The following GALNT3 variants were observed in gnomAD, a reference collection of about 807,000 sequenced individuals.
The protein encoded by GALNT3 is GalNAc transferase 3.
GALNT3 carries 51 observed loss-of-function variants against 69.8 expected under a neutral mutation model. The observed-to-expected ratio is 0.73, with a 90% CI of 0.58 to 0.92. The LOEUF (loss-of-function observed/expected upper bound fraction) is 0.92, where lower values mean the gene tolerates loss of function less well. GALNT3 is among the 40% of genes least tolerant of loss of function. The probability of loss-of-function intolerance (pLI) is 0.00; values close to 1 mark genes in which losing one functional copy is unlikely to be tolerated. For synonymous variants in GALNT3, 265 were observed against 248.5 expected, an observed-to-expected ratio of 1.07 and a Z score of -0.63; for missense variants, 711 against 760.0, an observed-to-expected ratio of 0.94 and a Z score of 0.76.
chr2:165,793,066 TG>T (rs550642872), intron 1 of GALNT3, among the ~76,000 whole-genome samples: 2,172 of 152,254 alleles, frequency 0.014, 29 homozygotes, highest in Non-Finnish European at 0.023. Flanking sequence ...GTTTCTTTGA[TG>T]AGTTGGAAAG....
intron 1 of GALNT3, among the ~76,000 whole-genome samples, chr2:165,779,162 A>T (rs1392916819): frequency 6.6e-6 from 1 of 152,228 alleles, no homozygotes; most frequent in African/African-American, 2.4e-5. Context: ...AACTATGCTC[A>T]AAAGGAGCTT....
intron 1 of GALNT3, among the ~76,000 whole-genome samples, chr2:165,792,600 T>C (rs115203690): frequency 0.011 from 1,699 of 152,268 alleles, 35 homozygotes; most frequent in African/African-American, 0.039. Context: ...GCATTTTAAG[T>C]AAAACGTGCA....
chr2:165,784,062 G>A (rs1863200), intron 1 of GALNT3, among the ~76,000 whole-genome samples: 149,473 of 152,190 alleles, frequency 0.98, 73,448 homozygotes, highest in East Asian at 1. Context: ...GAAATAAACC[G>A]GTCTCAGCCT....
In GALNT3 at chr2:165,757,337, A is replaced by G. The variant is rs1688464245; in HGVS notation, c.1192-90T>C. ...GTTCACCTTTAAGGTATTATGAAAA[A>G]CAAAATTAGAGAAGAGATTACAATA... On this transcript the variant is annotated intron_variant, in intron 6 of 10. Coordinates refer to ENST00000392701, the MANE Select transcript of GALNT3 (RefSeq NM_004482.4). 2.4e-6 allele frequency: 3 copies of G among 1,227,990 alleles called. No homozygotes were observed. In the South Asian group the frequency reaches 3.8e-5, roughly 15 times the overall value. 76.1% of individuals were successfully genotyped at this position (1,227,990 alleles called of 1,614,324 possible). A position where few individuals can be genotyped will look rare whatever the true frequency, so the allele number is the denominator to read the frequency against.
chr2:165,789,745 G>C (rs1466887286), intron 1 of GALNT3, among the ~76,000 whole-genome samples: 1 of 152,002 alleles, frequency 6.6e-6, no homozygotes, highest in Non-Finnish European at 1.5e-5. Context: ...TGTTAGAAAG[G>C]TGATATGGTT....
At position 165,770,264 on chromosome 2, in the gene GALNT3, G is replaced by T; in HGVS notation, c.437C>A (p.Ala146Asp). Reference protein sequence around the residue: ...EEQKEKERGEAKHCFNAFASD... With the variant: ...EEQKEKERGEDKHCFNAFASD... ...TGCGAAAGCATTAAAGCAGTGTTTAGCTTCCCCACGTTCCTTTTCCTTTTG... is the reference window on the plus strand; with the variant it reads ...TGCGAAAGCATTAAAGCAGTGTTTATCTTCCCCACGTTCCTTTTCCTTTTG... The change falls in exon 2 of 11, where the codon GCT (alanine) becomes GAT (aspartate). Residue 146 changes from alanine (A) to aspartate (D), a missense_variant. Physicochemically the swap from Ala to Asp is moderately radical, Grantham distance 126. Transcript: ENST00000392701. 1 of 1,614,128 alleles carries T rather than the reference G, an allele frequency of 6.2e-7. No homozygotes were observed. Among genetic ancestry groups the T allele is most frequent in the Non-Finnish European group, 8.5e-7 (1 of 1,180,024 alleles).
chr2:165,781,575 G>A (rs927747080), intron 1 of GALNT3, among the ~76,000 whole-genome samples: 9 of 150,668 alleles, frequency 6.0e-5, no homozygotes, highest in African/African-American at 2.2e-4. Flanking sequence ...TCCATCCTGG[G>A]CAACAGAATG....
intron 4 of GALNT3, chr2:165,761,666 G>A (rs2105410002): frequency 1.4e-6 from 1 of 700,292 alleles, no homozygotes; most frequent in Non-Finnish European, 2.6e-6. Context: ...CTAGTAACTG[G>A]AGAACACTGA....
At chr2:165,775,060 A>T (rs182064139) in intron 1 of GALNT3, among the ~76,000 whole-genome samples, 1 of 151,976 alleles carries the variant, frequency 6.6e-6, no homozygotes, top group African/African-American at 2.4e-5. Flanking sequence ...TAGCCTTTGT[A>T]ATTCCAATTT....
In GALNT3 at chr2:165,770,806, T is replaced by C; in HGVS notation, c.-106A>G. On this transcript the variant is annotated splice_region_variant and 5_prime_UTR_variant, in exon 2 of 11. Coordinates refer to ENST00000392701, the MANE Select transcript of GALNT3 (RefSeq NM_004482.4). ...GAGAAGAAGGTATCTTTAATGGTAG[T>C]ACCTATAAACAGAAATGATCGATGG... 3 of 1,255,786 alleles carry C rather than the reference T, an allele frequency of 2.4e-6. No individual in the cohort carries two copies. The highest frequency in any genetic ancestry group is 2.5e-4 in the Middle Eastern group (1 of 3,928). The allele number at this position is 1,255,786 out of a possible 1,614,324, so 77.8% of individuals were successfully genotyped here. A position where few individuals can be genotyped will look rare whatever the true frequency, so the allele number is the denominator to read the frequency against.
chr2:165,772,911 A>T (rs1488185003), intron 1 of GALNT3, among the ~76,000 whole-genome samples: 1 of 152,230 alleles, frequency 6.6e-6, no homozygotes, highest in Non-Finnish European at 1.5e-5. Context: ...TTTCCAAAAT[A>T]GATGGAATGG....
chr2:165,793,662 G>A (rs1683401257), intron 1 of GALNT3: 2 of 152,112 alleles, frequency 1.3e-5, no homozygotes, highest in South Asian at 4.2e-4. Context: ...CCTCCCGCCG[G>A]GCCCTCCCTC....
Position 165,761,965 on chromosome 2 carries a change from C to A in GALNT3, c.778G>T (p.Ala260Ser). 6.2e-7 allele frequency: 1 copy of A among 1,613,732 alleles called. No homozygotes were observed. Among genetic ancestry groups the A allele is most frequent in the Non-Finnish European group, 8.5e-7 (1 of 1,179,738 alleles). Residue 260 changes from alanine to serine, a missense_variant, in exon 4 of 11, where the codon GCT becomes TCT. Coordinates refer to ENST00000392701, the MANE Select transcript of GALNT3 (RefSeq NM_004482.4). ...GCGACTGTTGCTCCTAGCAACCGAG[C>A]AGTGATCAGACCTTTTCTTTCTCTT... is the stretch of plus-strand genomic sequence containing the variant. ...RQRERKGLIT[A>S]RLLGATVATA...
At chr2:165,765,359 A>C (rs111985580) in intron 2 of GALNT3, among the ~76,000 whole-genome samples, 1,569 of 152,330 alleles carry the variant, frequency 0.01, 25 homozygotes, top group African/African-American at 0.036. Flanking sequence ...TTAAATAATG[A>C]AAATAACCTA....
chr2:165,791,680 A>C (rs1380381836), intron 1 of GALNT3, among the ~76,000 whole-genome samples: 1 of 152,204 alleles, frequency 6.6e-6, no homozygotes, highest in Non-Finnish European at 1.5e-5. Flanking sequence ...GCCTCATAAA[A>C]TATATTTTAA....
chr2:165,775,748 T>C (rs1318382674), intron 1 of GALNT3, among the ~76,000 whole-genome samples: 2 of 152,216 alleles, frequency 1.3e-5, no homozygotes, highest in Admixed American at 1.3e-4. Flanking sequence ...CTTTTGTTGT[T>C]ACTTTAAGCT....
At chr2:165,770,108 A>G (rs1282188545) in intron 2 of GALNT3, 78 bp downstream of exon 2, 12 of 1,543,490 alleles carry the variant, frequency 7.8e-6, no homozygotes, top group Non-Finnish European at 9.8e-6. Flanking sequence ...TAAAAAACAG[A>G]TAACTTCCTT....
At chr2:165,759,186 CAAAT>C in intron 5 of GALNT3, 146 bp downstream of exon 5, 3 of 717,546 alleles carry the variant, frequency 4.2e-6, no homozygotes, top group Non-Finnish European at 4.8e-6. Flanking sequence ...AGCAAGTACA[CAAAT>C]GAATGACTTT....
chr2:165,759,093 C>T (rs927181274), intron 5 of GALNT3, among the ~76,000 whole-genome samples: 2 of 152,114 alleles, frequency 1.3e-5, no homozygotes, highest in Non-Finnish European at 2.9e-5. Flanking sequence ...CCTAACCATG[C>T]TTTACGATTT....
Sources: gnomAD v4.1 joint callset for allele counts (sites outside exome capture counted in the v4.1 genomes callset) on GRCh38, gnomAD v4.1.1 for gene constraint, MANE v1.5 for transcripts, NCBI Gene and HGNC (gene_info 2026-07-23, HGNC 2026-07-21) for gene names.